Variants in CNTN5 observed in about 807,000 individuals in gnomAD.
CNTN5 encodes contactin 5.
A neutral mutation model predicts 129.1 loss-of-function variants in CNTN5; 77 were observed. That is an observed-to-expected ratio of 0.60 (90% CI 0.50 to 0.72). The LOEUF (loss-of-function observed/expected upper bound fraction) is 0.72. Among genes scored for constraint, CNTN5 ranks in the 30% least tolerant of loss-of-function variants. CNTN5 has a pLI of 0.00. For missense variants in CNTN5, 1,478 were observed against 1,328.8 expected, an observed-to-expected ratio of 1.11 and a Z score of -1.75; for synonymous variants, 509 against 465.6, an observed-to-expected ratio of 1.09 and a Z score of -1.20.
chr11:99,820,303 G>A (rs761357822), intron 4 of CNTN5, among the ~76,000 whole-genome samples: 27 of 152,382 alleles, frequency 1.8e-4, no homozygotes, highest in East Asian at 9.6e-4. Context: ...AGTGAATATC[G>A]GAAACATAAA....
chr11:99,614,678 C>G (rs1022352617), intron 3 of CNTN5, among the ~76,000 whole-genome samples: 1 of 152,148 alleles, frequency 6.6e-6, no homozygotes, highest in Admixed American at 6.6e-5. Context: ...CTTTGCTCCT[C>G]GATCCAGGTG....
intron 7 of CNTN5, among the ~76,000 whole-genome samples, chr11:99,938,069 A>C (rs531291410): frequency 1.4e-4 from 21 of 152,174 alleles, no homozygotes; most frequent in Non-Finnish European, 2.9e-4. Context: ...TATATTCTCT[A>C]TTCTAAGAAT....
intron 16 of CNTN5, among the ~76,000 whole-genome samples, chr11:100,226,343 A>G (rs1276364753): frequency 6.6e-6 from 1 of 152,128 alleles, no homozygotes; most frequent in East Asian, 1.9e-4. Flanking sequence ...TTCCAAATCA[A>G]TATCACAATT....
intron 3 of CNTN5, among the ~76,000 whole-genome samples, chr11:99,637,010 CAAAAAAAAAAAA>C (rs869133131): frequency 7.7e-4 from 6 of 7,822 alleles, no homozygotes; most frequent in Admixed American, 2.3e-3. Flanking sequence ...AACTTTGTCT[CAAAAAAAAAAAA>C]AAAAAAAAAA....
chr11:99,902,180 A>G (rs1218174853), intron 6 of CNTN5, among the ~76,000 whole-genome samples: 2 of 151,990 alleles, frequency 1.3e-5, no homozygotes, highest in African/African-American at 2.4e-5. Flanking sequence ...TACTCCTGCT[A>G]ATTTTAGTGA....
intron 3 of CNTN5, among the ~76,000 whole-genome samples, chr11:99,770,645 T>G (rs1408110523): frequency 6.6e-6 from 1 of 152,114 alleles, no homozygotes; most frequent in African/African-American, 2.4e-5. Flanking sequence ...TAGTTTGTAA[T>G]GCACAGATCT....
At chr11:99,277,465 C>T (rs960212270) in intron 1 of CNTN5, among the ~76,000 whole-genome samples, 4 of 151,674 alleles carry the variant, frequency 2.6e-5, no homozygotes, top group African/African-American at 9.7e-5. Flanking sequence ...AGAAGCCTTG[C>T]TCTCTTTGTC....
At chr11:99,252,899 T>G (rs1051314044) in intron 1 of CNTN5, among the ~76,000 whole-genome samples, 5 of 152,044 alleles carry the variant, frequency 3.3e-5, no homozygotes, top group Non-Finnish European at 5.9e-5. Flanking sequence ...TTTGTACATT[T>G]TGTGTCTTCT....
At chr11:99,425,458 C>G (rs1238266685) in intron 2 of CNTN5, among the ~76,000 whole-genome samples, 1 of 152,250 alleles carries the variant, frequency 6.6e-6, no homozygotes, top group Non-Finnish European at 1.5e-5. Flanking sequence ...ACCCACACCA[C>G]CCCTTGCCTC....
At chr11:99,923,753 G>GTCTA (rs1353477282) in intron 7 of CNTN5, among the ~76,000 whole-genome samples, 16,380 of 115,292 alleles carry the variant, frequency 0.14, 987 homozygotes, top group South Asian at 0.16. Flanking sequence ...TAATCTATCT[G>GTCTA]TCTGTCTATC....
intron 6 of CNTN5, among the ~76,000 whole-genome samples, chr11:99,913,063 ATCT>A (rs1436533028): frequency 6.6e-6 from 1 of 152,000 alleles, no homozygotes; most frequent in Non-Finnish European, 1.5e-5. Context: ...TTTTCCATTT[ATCT>A]TCTTGGTACA....
At chr11:99,187,654 C>A (rs1591330916) in intron 1 of CNTN5, among the ~76,000 whole-genome samples, 1 of 151,860 alleles carries the variant, frequency 6.6e-6, no homozygotes, top group African/African-American at 2.4e-5. Flanking sequence ...AATATTACTA[C>A]AAACTATATG....
At chr11:100,047,709 T>G (rs187806411) in intron 9 of CNTN5, among the ~76,000 whole-genome samples, 5 of 152,204 alleles carry the variant, frequency 3.3e-5, no homozygotes, top group Admixed American at 6.5e-5. Flanking sequence ...GCATAATTTT[T>G]GGGTTTCTCT....
chr11:100,069,272 C>G (rs1418057294), intron 10 of CNTN5, among the ~76,000 whole-genome samples: 1 of 152,150 alleles, frequency 6.6e-6, no homozygotes, highest in African/African-American at 2.4e-5. Context: ...CCTGCCTCAA[C>G]CTTCCAAGTG....
chr11:99,618,752 C>T (rs1385785220), intron 3 of CNTN5, among the ~76,000 whole-genome samples: 1 of 152,106 alleles, frequency 6.6e-6, no homozygotes, highest in Non-Finnish European at 1.5e-5. Flanking sequence ...TACTTTCACT[C>T]TCAGAATATT....
At chr11:99,334,138 TCTC>T (rs1423608273) in intron 2 of CNTN5, among the ~76,000 whole-genome samples, 1 of 1,214 alleles carries the variant, frequency 8.2e-4, no homozygotes, top group Non-Finnish European at 0.012. Flanking sequence ...TCTTAAAACA[TCTC>T]AGACTCTCAC....
At chr11:99,765,489 G>T (rs1194857059) in intron 3 of CNTN5, among the ~76,000 whole-genome samples, 3 of 151,746 alleles carry the variant, frequency 2.0e-5, no homozygotes, top group Non-Finnish European at 4.4e-5. Flanking sequence ...TATAGTACTA[G>T]AATTTGATTT....
intron 3 of CNTN5, among the ~76,000 whole-genome samples, chr11:99,658,533 A>T (rs1002750485): frequency 6.6e-6 from 1 of 151,988 alleles, no homozygotes; most frequent in African/African-American, 2.4e-5. Context: ...ACATTTAACA[A>T]TTAGGAATTT....
rs1290653612 is a variant in CNTN5, at chr11:100,002,070, A to G, written c.914A>G (p.His305Arg). 3.8e-6 allele frequency: 6 copies of G among 1,599,082 alleles called. No individual in the cohort carries two copies. In the South Asian group the frequency reaches 6.8e-5, roughly 18 times the overall value. ...GAATATGAGCCGAAAATTGAGGTCC[A>G]TTTTCCTTTCACGGTTACAGCTGCT... ...MGEYEPKIEVHFPFTVTAAKG... is the reference protein window; with the variant it reads ...MGEYEPKIEVRFPFTVTAAKG... Residue 305 changes from histidine (H) to arginine (R), a missense_variant, in exon 9 of 25, where the codon CAT (histidine) becomes CGT (arginine). His to Arg is a conservative substitution (Grantham distance 29). Coordinates refer to ENST00000524871, the MANE Select transcript of CNTN5 (RefSeq NM_014361.4).
Sources: gnomAD v4.1 joint callset for allele counts (sites outside exome capture counted in the v4.1 genomes callset) on GRCh38, gnomAD v4.1.1 for gene constraint, MANE v1.5 for transcripts, NCBI Gene and HGNC (gene_info 2026-07-23, HGNC 2026-07-21) for gene names.